Variants in PDGFRA observed in about 807,000 individuals in gnomAD.
PDGFRA encodes the protein platelet derived growth factor receptor alpha, also known as platelet-derived growth factor receptor alpha.
A neutral mutation model predicts 121.5 loss-of-function variants in PDGFRA; 25 were observed. That is an observed-to-expected ratio of 0.21 (90% CI 0.15 to 0.29). The LOEUF (loss-of-function observed/expected upper bound fraction) is 0.29. Among genes scored for constraint, PDGFRA ranks in the 10% least tolerant of loss-of-function variants. The probability of loss-of-function intolerance (pLI) is 1.00; values close to 1 mark genes in which losing one functional copy is unlikely to be tolerated. For synonymous variants in PDGFRA, 463 were observed against 494.8 expected (o/e 0.94, Z 0.85); for missense variants, 1,008 against 1,345.1 (o/e 0.75, Z 3.92).
intron 1 of PDGFRA, among the ~76,000 whole-genome samples, chr4:54,236,779 G>C (rs1480557411): frequency 1.3e-5 from 2 of 151,930 alleles, no homozygotes; most frequent in East Asian, 3.9e-4. Context: ...CTCCAGCCCA[G>C]GCGGCAGTGC....
chr4:54,242,999 T>G (rs1426006255), intron 1 of PDGFRA, among the ~76,000 whole-genome samples: 5 of 152,194 alleles, frequency 3.3e-5, no homozygotes, highest in African/African-American at 1.2e-4. Flanking sequence ...GGATGTGTAC[T>G]TTTAGGGATT....
chr4:54,272,279 C>G, intron 8 of PDGFRA, 115 bp from the exon 9 acceptor site: 1 of 1,091,190 alleles, frequency 9.2e-7, no homozygotes, highest in Non-Finnish European at 1.4e-6. Flanking sequence ...GTTTCAGCCC[C>G]TCCGGAGTGT....
intron 8 of PDGFRA, among the ~76,000 whole-genome samples, chr4:54,271,991 CCCCCCTCCCCCCCT>C (rs1723423000): frequency 2.4e-4 from 3 of 12,620 alleles, no homozygotes; most frequent in Admixed American, 7.9e-4. Flanking sequence ...CCCCTCCCCT[CCCCCCTCCCCCCCT>C]CCCCTCCCCT....
chr4:54,277,023 T>C (rs548313811), intron 12 of PDGFRA, among the ~76,000 whole-genome samples: 4 of 152,230 alleles, frequency 2.6e-5, no homozygotes, highest in Middle Eastern at 3.4e-3. Context: ...TGTTTGCATA[T>C]GGAAAACAGA....
rs1194411887 is a variant in PDGFRA at position 54,277,452 on chromosome 4, G to C, written c.1851G>C (p.Arg617=). 1 of 1,614,040 alleles carries C rather than the reference G, an allele frequency of 6.2e-7. No individual in the cohort carries two copies. Among genetic ancestry groups the C allele is most frequent in the Non-Finnish European group, 8.5e-7 (1 of 1,179,926 alleles). ...VVEGTAYGLS[R]SQPVMKVAVK... Reference sequence around the variant, plus strand: ...AAGGAACAGCCTATGGATTAAGCCGGTCCCAACCTGTCATGAAAGTTGCAG... The same window carrying C: ...AAGGAACAGCCTATGGATTAAGCCGCTCCCAACCTGTCATGAAAGTTGCAG... Residue 617 remains arginine, a synonymous_variant, in exon 13 of 23, where the codon CGG becomes CGC. Transcript: ENST00000257290.
intron 1 of PDGFRA, among the ~76,000 whole-genome samples, chr4:54,254,815 G>A (rs1254173884): frequency 1.3e-5 from 2 of 152,206 alleles, no homozygotes; most frequent in African/African-American, 2.4e-5. Context: ...CCAGGCACAT[G>A]CCGGGCTCCT....
chr4:54,255,851 A>G (rs931491613), intron 1 of PDGFRA, among the ~76,000 whole-genome samples: 7 of 151,860 alleles, frequency 4.6e-5, no homozygotes, highest in African/African-American at 1.7e-4. Flanking sequence ...CAAACAGTTT[A>G]TTCAGTAATT....
In PDGFRA at chr4:54,260,609, C is replaced by T. The variant is rs150731061; in HGVS notation, c.50-486C>T. ...TTTTTGTGGAGACCAGGTCTCACTA[C>T]GTTGCCCAGGCTGGTCTCGAACTCC... On this transcript the variant is annotated intron_variant, in intron 2 of 22. Transcript: ENST00000257290. 4.7e-4 allele frequency among the ~76,000 whole-genome samples: 72 copies of T among 151,752 alleles called. 1 individual carries two copies. The East Asian group carries it at 9.7e-3, about 20-fold the overall frequency.
chr4:54,258,943 T>C (rs1429371218), intron 2 of PDGFRA, 126 bp downstream of exon 2: 1 of 799,858 alleles, frequency 1.3e-6, no homozygotes, highest in Non-Finnish European at 2.2e-6. Context: ...AATAGAAAAC[T>C]ATAGGACGTT....
At chr4:54,283,641 A>C (rs1401408551) in intron 16 of PDGFRA, among the ~76,000 whole-genome samples, 2 of 152,214 alleles carry the variant, frequency 1.3e-5, no homozygotes, top group East Asian at 1.9e-4. Context: ...CTTTTTAGTT[A>C]TGCAAATTTC....
chr4:54,286,052 GT>G, intron 18 of PDGFRA, 89 bp downstream of exon 18: 1 of 1,374,804 alleles, frequency 7.3e-7, no homozygotes. Context: ...TTCGGTGCCT[GT>G]TTTTTAAAAC....
At chr4:54,275,041 C>T (rs1477082828) in intron 12 of PDGFRA, 68 bp downstream of exon 12, 1 of 1,553,762 alleles carries the variant, frequency 6.4e-7, no homozygotes, top group Non-Finnish European at 8.9e-7. Flanking sequence ...ATTTATAGGC[C>T]TTGGCAGAAT....
chr4:54,264,063 C>G, intron 4 of PDGFRA, 136 bp downstream of exon 4: 1 of 736,426 alleles, frequency 1.4e-6, no homozygotes, highest in Non-Finnish European at 2.3e-6. Context: ...AGGACCCCAG[C>G]TAATACAATG....
intron 5 of PDGFRA, 124 bp from the exon 6 acceptor site, chr4:54,267,165 C>A: frequency 1.1e-6 from 1 of 912,976 alleles, no homozygotes; most frequent in Non-Finnish European, 1.8e-6. Context: ...CCCTACCATC[C>A]ATTTGTTATA....
At position 54,295,774 on chromosome 4, in the gene PDGFRA, AC is replaced by A; in HGVS notation, c.*504del. ...AACTTTTTAAAGAAGTGCATGAAAA[AC>A]CATTTTTGAACCTTAAAAGGTACTG... On this transcript the variant is annotated 3_prime_UTR_variant, in exon 23 of 23. Coordinates refer to ENST00000257290, the MANE Select transcript of PDGFRA (RefSeq NM_006206.6). 4.1e-6 allele frequency: 1 copy of A among 243,382 alleles called. No homozygotes were observed. The highest frequency in any genetic ancestry group is 2.2e-5 in the African/African-American group (1 of 45,570). 15.1% of individuals were successfully genotyped at this position (243,382 alleles called of 1,614,324 possible). A position where few individuals can be genotyped will look rare whatever the true frequency, so the allele number is the denominator to read the frequency against.
chr4:54,272,824 A>G (rs891963591), intron 9 of PDGFRA, among the ~76,000 whole-genome samples: 1 of 152,202 alleles, frequency 6.6e-6, no homozygotes, highest in African/African-American at 2.4e-5. Flanking sequence ...GACTGCATGT[A>G]AACATAAATG....
At chr4:54,285,509 T>A (rs2110336301) in intron 17 of PDGFRA, 23 bp downstream of exon 17, 1 of 986,688 alleles carries the variant, frequency 1.0e-6, no homozygotes, top group Non-Finnish European at 1.6e-6. Context: ...AACACAGACC[T>A]TTTTAGACCC....
chr4:54,274,920 T>C lies in PDGFRA; in HGVS notation c.1733T>C (p.Met578Thr). 6.2e-7 allele frequency: 1 copy of C among 1,614,176 alleles called. No homozygotes were observed. Among genetic ancestry groups the C allele is most frequent in the Non-Finnish European group, 8.5e-7 (1 of 1,179,998 alleles). The change falls in exon 12 of 23, where the codon ATG (methionine) becomes ACG (threonine). Residue 578 changes from methionine (M) to threonine (T), a missense_variant. By Grantham distance (81) the Met-to-Thr change is moderately conservative. Coordinates refer to ENST00000257290, the MANE Select transcript of PDGFRA (RefSeq NM_006206.6). ...DGHEYIYVDP[M>T]QLPYDSRWEF... The stretch of plus-strand genomic sequence containing the variant: ...CATGAATATATTTATGTGGACCCGA[T>C]GCAGCTGCCTTATGACTCAAGATGG...
rs201077202 is a variant in PDGFRA, at chr4:54,235,250, C to T, written c.-13+5835C>T. On this transcript the variant is annotated intron_variant, in intron 1 of 22. Coordinates refer to ENST00000257290, the MANE Select transcript of PDGFRA (RefSeq NM_006206.6). ...GCTTTTGGGGCTGTGAGAGAGTCTCCTGTGGTCTTTAATCATGTGAGGGTG... is the reference window on the plus strand; with the variant it reads ...GCTTTTGGGGCTGTGAGAGAGTCTCTTGTGGTCTTTAATCATGTGAGGGTG... 2.6e-4 allele frequency among the ~76,000 whole-genome samples: 40 copies of T among 152,048 alleles called. No individual in the cohort carries two copies. The East Asian group carries it at 2.7e-3, about 10-fold the overall frequency.
Sources: gnomAD v4.1 joint callset for allele counts (sites outside exome capture counted in the v4.1 genomes callset) on GRCh38, gnomAD v4.1.1 for gene constraint, MANE v1.5 for transcripts, NCBI Gene and HGNC (gene_info 2026-07-23, HGNC 2026-07-21) for gene names.